Variants in DENND6B observed in about 807,000 individuals in gnomAD.
DENND6B encodes the protein DENN domain containing 6B.
DENND6B carries 73 observed loss-of-function variants against 85.1 expected under a neutral mutation model. The ratio of observed to expected loss-of-function variants is 0.86; its 90% confidence interval spans 0.71 to 1.04. The LOEUF is 1.04. Ranked by LOEUF, DENND6B falls within the 50% of genes least tolerant of loss-of-function variation. The pLI, the probability that DENND6B is intolerant of heterozygous loss-of-function variation, is 0.00. For missense variants in DENND6B, 715 were observed against 785.8 expected (o/e 0.91, Z 1.08); for synonymous variants, 357 against 329.3 (o/e 1.08, Z -0.91).
At chr22:50,314,731 G>C (rs767454261) in intron 10 of DENND6B, 31 bp from the exon 11 acceptor site, 19 of 1,570,312 alleles carry the variant, frequency 1.2e-5, no homozygotes, top group Non-Finnish European at 1.6e-5. Flanking sequence ...GAGCAGGTGA[G>C]GCAGGGGCAG....
rs542552157 is a variant in DENND6B, at chr22:50,318,084, T to C, written c.260-64A>G. 93 of 1,548,608 alleles carry C rather than the reference T, an allele frequency of 6.0e-5. No individual in the cohort carries two copies. In the African/African-American group the frequency reaches 1.2e-3, roughly 20 times the overall value. On this transcript the variant is annotated intron_variant, in intron 3 of 19. Coordinates refer to ENST00000413817, the MANE Select transcript of DENND6B (RefSeq NM_001001794.4). ...GAGCCTCTTCTGCAGGCCCTGGAGC[T>C]GGTGACCGGGGAGCAAGGGCCCTGC...
chr22:50,319,133 AG>A, intron 1 of DENND6B, 130 bp from the exon 2 acceptor site: 1 of 1,537,272 alleles, frequency 6.5e-7, no homozygotes, highest in Non-Finnish European at 8.7e-7. Context: ...TCAGTGCCCA[AG>A]GTGCTGGCTC....
intron 19 of DENND6B, 21 bp downstream of exon 19, chr22:50,312,322 C>CAAGGCTG (rs757525064): frequency 6.2e-7 from 1 of 1,611,300 alleles, no homozygotes; most frequent in East Asian, 2.2e-5. Flanking sequence ...GGCGCTGGGA[C>CAAGGCTG]AAGGCTGGGA....
At chr22:50,317,118 G>T in intron 5 of DENND6B, 175 bp downstream of exon 5, 3 of 528,488 alleles carry the variant, frequency 5.7e-6, no homozygotes, top group Non-Finnish European at 1.0e-5. Flanking sequence ...AGGGTGGGGG[G>T]CGGCGAGGAC....
chr22:50,313,601 C>T (rs1443444052), intron 15 of DENND6B, 34 bp downstream of exon 15: 4 of 1,534,682 alleles, frequency 2.6e-6, no homozygotes, highest in South Asian at 1.2e-5. Flanking sequence ...GCCCCGTGCC[C>T]CCCAGTCCCA....
Position 50,317,290 on chromosome 22 carries a change from C to T in DENND6B, c.453+3G>A, listed in dbSNP as rs2041883083. ...GCCAGCCCAGAGTGGCCAAGCAGCGCACCTTCTGGAAGTAGCCCCTCTTCA... is the reference window on the plus strand; with the variant it reads ...GCCAGCCCAGAGTGGCCAAGCAGCGTACCTTCTGGAAGTAGCCCCTCTTCA... On this transcript the variant is annotated splice_donor_region_variant and intron_variant, in intron 5 of 19. Transcript: ENST00000413817. The T allele has an allele frequency of 1.9e-6, 3 of 1,612,612 alleles. No homozygotes were observed. The highest frequency in any genetic ancestry group is 2.5e-6 in the Non-Finnish European group (3 of 1,179,556).
chr22:50,316,332 T>G (rs772167687), intron 6 of DENND6B, 38 bp downstream of exon 6: 17 of 1,562,724 alleles, frequency 1.1e-5, no homozygotes, highest in Non-Finnish European at 1.4e-5. Flanking sequence ...ACAGCTGGGA[T>G]GATGAGACCA....
At chr22:50,322,276 G>A (rs148199952) in intron 1 of DENND6B, among the ~76,000 whole-genome samples, 1,753 of 152,004 alleles carry the variant, frequency 0.012, 34 homozygotes, top group African/African-American at 0.04. Flanking sequence ...GGGTTTCACC[G>A]TGTTAGCCAG....
rs1471655343 is a variant in DENND6B at position 50,316,265 on chromosome 22, G to A, written c.560-12C>T. The A allele has an allele frequency of 4.4e-6, 7 of 1,591,160 alleles. No individual in the cohort carries two copies. The highest frequency in any genetic ancestry group is 8.6e-7 in the Non-Finnish European group (1 of 1,169,436). On this transcript the variant is annotated splice_polypyrimidine_tract_variant and intron_variant, in intron 6 of 19. Transcript: ENST00000413817. ...GATCTCACTGCACACTGCGGATGCA[G>A]TAGCCCGCATCAGGACCCTCCCCAA...
chr22:50,318,855 G>T lies in DENND6B; in HGVS notation c.251C>A (p.Ser84Ter), dbSNP rs749562796. The T allele has an allele frequency of 6.2e-7, 1 of 1,613,218 alleles. No homozygotes were observed. The highest frequency in any genetic ancestry group is 1.3e-5 in the African/African-American group (1 of 74,898). ...SSICYLSFPD[S>*]HSGCLGDTQF... Reference sequence around the variant, plus strand: ...AAGGTGGGGTTGCCTACCTGAGTGCGAGTCGGGAAAAGACAGGTAGCAGAT... The same window carrying T: ...AAGGTGGGGTTGCCTACCTGAGTGCTAGTCGGGAAAAGACAGGTAGCAGAT... Residue 84 changes from serine to a stop codon, truncating the protein, a stop_gained, in exon 3 of 20, where the codon TCG (serine) becomes TAG (stop). Coordinates refer to ENST00000413817, the MANE Select transcript of DENND6B (RefSeq NM_001001794.4). LOFTEE classifies it high-confidence loss of function.
chr22:50,314,089 C>T, intron 13 of DENND6B, 118 bp downstream of exon 13: 1 of 1,352,818 alleles, frequency 7.4e-7, no homozygotes, highest in Non-Finnish European at 9.8e-7. Flanking sequence ...AGCTCTGCTG[C>T]TGAGTCCTGG....
chr22:50,318,120 T>C, intron 3 of DENND6B, 100 bp from the exon 4 acceptor site: 3 of 1,200,882 alleles, frequency 2.5e-6, no homozygotes, highest in Non-Finnish European at 3.5e-6. Context: ...GAGCCTGGCC[T>C]CTGCTGGTAA....
At position 50,326,800 on chromosome 22, in the gene DENND6B, G is replaced by A; in HGVS notation, c.177+12C>T. On this transcript the variant is annotated intron_variant, in intron 1 of 19. Coordinates refer to ENST00000413817, the MANE Select transcript of DENND6B (RefSeq NM_001001794.4). ...TGCCCACCCGCCCGCGCCCGCGCTC[G>A]CGCCCGCTCACCTCCAGCGCCTGGC... is the stretch of plus-strand genomic sequence containing the variant. 2 of 1,377,560 alleles carry A rather than the reference G, an allele frequency of 1.5e-6. No individual in the cohort carries two copies. The highest frequency in any genetic ancestry group is 1.9e-6 in the Non-Finnish European group (2 of 1,070,840). The allele number at this position is 1,377,560 out of a possible 1,614,324, so 85.3% of individuals were successfully genotyped here.
In DENND6B at chr22:50,315,760, G is replaced by A; in HGVS notation, c.712C>T (p.Pro238Ser). 6.5e-7 allele frequency: 1 copy of A among 1,541,796 alleles called. No individual in the cohort carries two copies. The highest frequency in any genetic ancestry group is 8.7e-7 in the Non-Finnish European group (1 of 1,145,024). The change falls in exon 9 of 20, where the codon CCA (proline) becomes TCA (serine). Residue 238 changes from proline (P) to serine (S), a missense_variant. Pro to Ser is a moderately conservative substitution (Grantham distance 74). Transcript: ENST00000413817. ...ACGCTAGCAAGAACCACTGGGGCTG[G>A]CAGCAGGTTCTGAGAGGAGGAGAGT... ...PKQFDQENLLPAPVVLASVHE... is the reference protein window; with the variant it reads ...PKQFDQENLLSAPVVLASVHE...
At position 50,314,044 on chromosome 22, in the gene DENND6B, G is replaced by A. The variant is rs562198369; in HGVS notation, c.1138+163C>T. On this transcript the variant is annotated intron_variant, in intron 13 of 19. Transcript: ENST00000413817. The stretch of plus-strand genomic sequence containing the variant: ...CACCCCCCAGACACCGAGACCCACT[G>A]AAGAGAAGAGAGCGACCCCTCCCCA... 225 of 1,254,738 alleles carry A rather than the reference G, an allele frequency of 1.8e-4. No individual in the cohort carries two copies. The East Asian group carries it at 4.5e-3, about 25-fold the overall frequency. The allele number at this position is 1,254,738 out of a possible 1,614,324, so 77.7% of individuals were successfully genotyped here.
chr22:50,322,544 T>A (rs548560770), intron 1 of DENND6B, among the ~76,000 whole-genome samples: 5 of 151,762 alleles, frequency 3.3e-5, no homozygotes, highest in South Asian at 2.1e-4. Context: ...AGAAAAAAAA[T>A]TTTTGTCTTT....
chr22:50,314,578 A>G (rs2041723623), intron 11 of DENND6B, 27 bp downstream of exon 11: 2 of 1,556,654 alleles, frequency 1.3e-6, no homozygotes, highest in Non-Finnish European at 1.7e-6. Context: ...GAGCAAGGGC[A>G]AGAGGCGGGG....
chr22:50,318,409 T>C (rs928984043), intron 3 of DENND6B, among the ~76,000 whole-genome samples: 6 of 152,192 alleles, frequency 3.9e-5, no homozygotes, highest in African/African-American at 1.4e-4. Context: ...GCTCCTATTC[T>C]GACTTCTGTA....
Position 50,312,162 on chromosome 22 carries a change from G to A in DENND6B, c.1735C>T (p.Gln579Ter), listed in dbSNP as rs2068070551. Residue 579 changes from glutamine to a stop codon, truncating the protein, a stop_gained, in exon 20 of 20, where the codon CAG (glutamine) becomes TAG (stop). Transcript: ENST00000413817. LOFTEE classifies it high-confidence loss of function. ...TTCTAGGGAGGGCACAAGACAGCCT[G>A]CAGGTCTTTGGGCAGGGAGCCGATG... ...TVIGSLPKDL[Q>*]AVLCPP The A allele has an allele frequency of 1.9e-6, 3 of 1,612,402 alleles. No individual in the cohort carries two copies. Among genetic ancestry groups the A allele is most frequent in the African/African-American group, 2.7e-5 (2 of 74,920 alleles).
Sources: gnomAD v4.1 joint callset for allele counts (sites outside exome capture counted in the v4.1 genomes callset) on GRCh38, gnomAD v4.1.1 for gene constraint, MANE v1.5 for transcripts, NCBI Gene and HGNC (gene_info 2026-07-23, HGNC 2026-07-21) for gene names.